The following TUSC3 variants were observed in gnomAD, a reference collection of about 807,000 sequenced individuals.
The protein encoded by TUSC3 is dolichyl-diphosphooligosaccharide--protein glycosyltransferase subunit TUSC3.
In TUSC3, 45 loss-of-function variants were observed where a neutral mutation model predicts 44.8. That is an observed-to-expected ratio of 1.00 (90% CI 0.79 to 1.29). TUSC3 has a LOEUF of 1.29. TUSC3 is among the 50% of genes most tolerant of loss of function. TUSC3 has a pLI of 0.00. For missense variants in TUSC3, 519 were observed against 437.9 expected, an observed-to-expected ratio of 1.19 and a Z score of -1.65; for synonymous variants, 212 against 152.9, an observed-to-expected ratio of 1.39 and a Z score of -2.85.
chr8:15,499,119 C>T (rs556080824), intron 2 of TUSC3, among the ~76,000 whole-genome samples: 2 of 152,200 alleles, frequency 1.3e-5, no homozygotes, highest in African/African-American at 4.8e-5. Context: ...TGGTTACTAT[C>T]ATCCTGATGC....
At chr8:15,621,974 T>A (rs1805267251) in intron 1 of TUSC3, among the ~76,000 whole-genome samples, 1 of 152,176 alleles carries the variant, frequency 6.6e-6, no homozygotes, top group African/African-American at 2.4e-5. Context: ...CTGCAACAAG[T>A]CTTTTACCTT....
chr8:15,684,808 C>T (rs988442393), intron 6 of TUSC3, among the ~76,000 whole-genome samples: 1 of 152,106 alleles, frequency 6.6e-6, no homozygotes, highest in Non-Finnish European at 1.5e-5. Flanking sequence ...GTTCTCTAGC[C>T]CCTGGATGTA....
the TUSC3 span, among the ~76,000 whole-genome samples, chr8:15,843,739 G>T: frequency 2.0e-5 from 3 of 151,736 alleles, no homozygotes; most frequent in Non-Finnish European, 4.4e-5. Context: ...GTTTGTGTAT[G>T]ATGTATATAA....
intron 3 of TUSC3, among the ~76,000 whole-genome samples, chr8:15,653,909 C>T (rs1807031824): frequency 6.6e-6 from 1 of 152,090 alleles, no homozygotes; most frequent in Non-Finnish European, 1.5e-5. Context: ...TAATTTCTAG[C>T]TTGTTGGGGA....
rs35757466 is a variant in TUSC3, at chr8:15,555,276, A to ATTTTTTTTTT, written c.138+14734_138+14743dup. The stretch of plus-strand genomic sequence containing the variant: ...GTTCATGTGCCACCATGCCAGGCTA[A>ATTTTTTTTTT]TTTTTTTTTTTTTTTTTTTTTTTTT... On this transcript the variant is annotated intron_variant, in intron 1 of 10. Coordinates refer to ENST00000503731, the MANE Select transcript of TUSC3 (RefSeq NM_006765.4). Among the ~76,000 whole-genome samples the ATTTTTTTTTT allele has an allele frequency of 4.5e-4, 20 of 44,892 alleles. 2 individuals carry two copies. The highest frequency in any genetic ancestry group is 1.6e-3 in the African/African-American group (15 of 9,144). 29.5% of individuals were successfully genotyped at this position (44,892 alleles called of 152,430 possible). A position where few individuals can be genotyped will look rare whatever the true frequency, so the allele number is the denominator to read the frequency against.
intron 1 of TUSC3, among the ~76,000 whole-genome samples, chr8:15,437,255 A>T (rs906384237): frequency 2.6e-5 from 4 of 152,178 alleles, no homozygotes; most frequent in African/African-American, 4.8e-5. Flanking sequence ...TTTTCCAGCA[A>T]TTCACATGTA....
intron 1 of TUSC3, among the ~76,000 whole-genome samples, chr8:15,420,086 T>A (rs1381188324): frequency 6.6e-6 from 1 of 152,164 alleles, no homozygotes; most frequent in Non-Finnish European, 1.5e-5. Context: ...AAAAACACTA[T>A]AACAAAGCTT....
chr8:15,696,225 T>C (rs1192584904), intron 6 of TUSC3, among the ~76,000 whole-genome samples: 1 of 152,142 alleles, frequency 6.6e-6, no homozygotes, highest in Non-Finnish European at 1.5e-5. Context: ...CCTAGGGACT[T>C]GGTGCCTTGC....
chr8:15,581,877 C>G (rs1310064639), intron 1 of TUSC3, among the ~76,000 whole-genome samples: 1 of 132,704 alleles, frequency 7.5e-6, no homozygotes, highest in East Asian at 2.3e-4. Context: ...CCTAATCAAG[C>G]CTGGGCAATG....
intron 2 of TUSC3, among the ~76,000 whole-genome samples, chr8:15,534,628 G>A (rs1801496753): frequency 1.4e-5 from 2 of 144,730 alleles, no homozygotes; most frequent in South Asian, 2.2e-4. Flanking sequence ...AGGTGACAGA[G>A]CGAGACTCGG....
chr8:15,749,250 A>G (rs1811585076), intron 9 of TUSC3, among the ~76,000 whole-genome samples: 1 of 152,294 alleles, frequency 6.6e-6, no homozygotes, highest in Admixed American at 6.5e-5. Flanking sequence ...AACCAGTGAT[A>G]TGTTGATAGA....
Position 15,677,947 on chromosome 8 carries a change from G to C in TUSC3, c.798+4111G>C, listed in dbSNP as rs560611016. ...CTTATTTTGAAGTCCTTTCAGAACAGATCCAAAGACAGTGATTTAAGTGAA... is the reference window on the plus strand; with the variant it reads ...CTTATTTTGAAGTCCTTTCAGAACACATCCAAAGACAGTGATTTAAGTGAA... On this transcript the variant is annotated intron_variant, in intron 6 of 10. Transcript: ENST00000503731. 3.9e-5 allele frequency among the ~76,000 whole-genome samples: 6 copies of C among 152,306 alleles called. No homozygotes were observed. In the South Asian group the frequency reaches 1.0e-3, roughly 26 times the overall value.
intron 6 of TUSC3, among the ~76,000 whole-genome samples, chr8:15,685,538 T>C (rs2129187291): frequency 6.6e-6 from 1 of 152,268 alleles, no homozygotes; most frequent in East Asian, 1.9e-4. Context: ...TAACAGAAAG[T>C]TTATTATTGA....
the TUSC3 span, among the ~76,000 whole-genome samples, chr8:15,838,184 T>A: frequency 6.6e-6 from 1 of 152,166 alleles, no homozygotes; most frequent in Non-Finnish European, 1.5e-5. Flanking sequence ...GCACAGATTT[T>A]GTTATTGTAA....
Position 15,546,903 on chromosome 8 carries a change from G to T in TUSC3, c.138+6335G>T, listed in dbSNP as rs574175004. On this transcript the variant is annotated intron_variant, in intron 1 of 10. Transcript: ENST00000503731. ...TGCCTGCCTGCCTGCCTCCCAGTTG[G>T]CCTGTCTCTATTTCTTTTTAATGTT... Among the ~76,000 whole-genome samples, 167 of 151,652 alleles carry T rather than the reference G, an allele frequency of 1.1e-3. 1 individual carries two copies. The highest frequency in any genetic ancestry group is 3.9e-3 in the African/African-American group (163 of 41,470).
rs144941932 is a variant in TUSC3, at chr8:15,665,981, C to T, written c.708+3685C>T. Among the ~76,000 whole-genome samples, 45 of 151,438 alleles carry T rather than the reference C, an allele frequency of 3.0e-4. No homozygotes were observed. In the East Asian group the frequency reaches 8.7e-3, roughly 29 times the overall value. ...AACACGGAGGATGGTGGACAATAAGCATATACATTACTTGCTTTATGATGA... is the reference window on the plus strand; with the variant it reads ...AACACGGAGGATGGTGGACAATAAGTATATACATTACTTGCTTTATGATGA... On this transcript the variant is annotated intron_variant, in intron 5 of 10. Coordinates refer to ENST00000503731, the MANE Select transcript of TUSC3 (RefSeq NM_006765.4).
chr8:15,471,425 G>C, intron 1 of TUSC3, among the ~76,000 whole-genome samples: 1 of 152,154 alleles, frequency 6.6e-6, no homozygotes, highest in Non-Finnish European at 1.5e-5. Flanking sequence ...AGGATGTTAA[G>C]TGAAGATTTA....
At chr8:15,524,304 A>G (rs1248458686) in intron 2 of TUSC3, among the ~76,000 whole-genome samples, 2 of 152,284 alleles carry the variant, frequency 1.3e-5, no homozygotes, top group Admixed American at 1.3e-4. Context: ...CCAACCAGCC[A>G]TAATAGCAGT....
At chr8:15,701,773 G>T (rs1415434906) in intron 6 of TUSC3, among the ~76,000 whole-genome samples, 1 of 152,120 alleles carries the variant, frequency 6.6e-6, no homozygotes, top group Non-Finnish European at 1.5e-5. Flanking sequence ...GGCAAATTCT[G>T]TGATGGAACA....
Sources: gnomAD v4.1 joint callset for allele counts (sites outside exome capture counted in the v4.1 genomes callset) on GRCh38, gnomAD v4.1.1 for gene constraint, MANE v1.5 for transcripts, NCBI Gene and HGNC (gene_info 2026-07-23, HGNC 2026-07-21) for gene names.